COL14A1: variants seen among roughly 807,000 people sequenced by gnomAD.
COL14A1 encodes collagen type XIV alpha 1 chain, also known as collagen alpha-1(XIV) chain.
Under a neutral mutation model 230.3 loss-of-function variants are expected in COL14A1, and 136 were observed. That is an observed-to-expected ratio of 0.59 (90% confidence interval 0.51 to 0.68). COL14A1 has a LOEUF of 0.68. Among genes scored for constraint, COL14A1 ranks in the 30% least tolerant of loss-of-function variants. The pLI is 0.00. For missense variants in COL14A1, 1,976 were observed against 2,215.8 expected (o/e 0.89, Z 2.17); for synonymous variants, 792 against 784.1 (o/e 1.01, Z -0.17).
intron 45 of COL14A1, among the ~76,000 whole-genome samples, chr8:120,348,407 A>G (rs1045658817): frequency 1.2e-4 from 18 of 151,906 alleles, no homozygotes; most frequent in African/African-American, 3.9e-4. Context: ...GGAGACGAGC[A>G]TTCTAAGTGA....
At chr8:120,356,731 A>C (rs1823001938) in intron 45 of COL14A1, among the ~76,000 whole-genome samples, 1 of 152,078 alleles carries the variant, frequency 6.6e-6, no homozygotes, top group Non-Finnish European at 1.5e-5. Context: ...CTTTCTCAAA[A>C]AAAAAAAAAT....
At chr8:120,257,321 C>T (rs570843515) in intron 23 of COL14A1, among the ~76,000 whole-genome samples, 1 of 152,268 alleles carries the variant, frequency 6.6e-6, no homozygotes, top group South Asian at 2.1e-4. Flanking sequence ...ACATTTGTTG[C>T]TGAGAGATTA....
chr8:120,221,946 A>T (rs1042508904), intron 14 of COL14A1, among the ~76,000 whole-genome samples: 1 of 152,192 alleles, frequency 6.6e-6, no homozygotes, highest in African/African-American at 2.4e-5. Flanking sequence ...AGAAAGCAAT[A>T]TGTAACTAGA....
chr8:120,179,149 C>T (rs1454418672), intron 5 of COL14A1, among the ~76,000 whole-genome samples: 1 of 152,068 alleles, frequency 6.6e-6, no homozygotes, highest in East Asian at 1.9e-4. Flanking sequence ...AAGTCTTTGC[C>T]CATGCCTATG....
At chr8:120,360,019 A>T (rs370691614) in intron 45 of COL14A1, among the ~76,000 whole-genome samples, 37 of 152,272 alleles carry the variant, frequency 2.4e-4, no homozygotes, top group African/African-American at 8.9e-4. Context: ...TACTGTCTTG[A>T]CTGATAGAGA....
At chr8:120,185,368 G>T (rs1816618201) in intron 5 of COL14A1, among the ~76,000 whole-genome samples, 2 of 152,134 alleles carry the variant, frequency 1.3e-5, no homozygotes, top group South Asian at 4.2e-4. Context: ...ACCTGTTGTG[G>T]CTGGGTGCAG....
intron 1 of COL14A1, among the ~76,000 whole-genome samples, chr8:120,127,036 G>T (rs997803141): frequency 6.6e-6 from 1 of 152,074 alleles, no homozygotes; most frequent in Admixed American, 6.6e-5. Flanking sequence ...CACCATTTTA[G>T]AATATTTTAG....
intron 1 of COL14A1, among the ~76,000 whole-genome samples, chr8:120,125,839 A>C (rs1814316780): frequency 6.6e-6 from 1 of 152,082 alleles, no homozygotes; most frequent in African/African-American, 2.4e-5. Context: ...TAGGGGACGA[A>C]ACTCACCCAG....
chr8:120,160,844 T>C (rs975997406), intron 3 of COL14A1, among the ~76,000 whole-genome samples: 3 of 152,236 alleles, frequency 2.0e-5, no homozygotes, highest in Non-Finnish European at 4.4e-5. Context: ...AGTTTAATGG[T>C]CAAATAAATT....
chr8:120,191,722 G>T (rs938523722), intron 5 of COL14A1, among the ~76,000 whole-genome samples: 1 of 150,012 alleles, frequency 6.7e-6, no homozygotes, highest in African/African-American at 2.4e-5. Context: ...TATGAATCTG[G>T]GTGCTCCTGT....
intron 8 of COL14A1, among the ~76,000 whole-genome samples, chr8:120,202,312 A>G (rs1033651047): frequency 4.6e-5 from 7 of 152,230 alleles, no homozygotes; most frequent in Non-Finnish European, 1.0e-4. Flanking sequence ...GCAACCTCCT[A>G]AAGCAAATAG....
intron 5 of COL14A1, among the ~76,000 whole-genome samples, chr8:120,179,385 T>C (rs1816390734): frequency 6.6e-6 from 1 of 152,170 alleles, no homozygotes; most frequent in African/African-American, 2.4e-5. Flanking sequence ...AGCATTCCTA[T>C]ACACCAATAA....
At chr8:120,184,461 G>T (rs1159937430) in intron 5 of COL14A1, among the ~76,000 whole-genome samples, 2 of 151,886 alleles carry the variant, frequency 1.3e-5, no homozygotes, top group African/African-American at 4.8e-5. Context: ...CACCATAGTG[G>T]CCAGGCTGGT....
At chr8:120,347,974 G>A (rs1822581153) in intron 45 of COL14A1, among the ~76,000 whole-genome samples, 1 of 152,030 alleles carries the variant, frequency 6.6e-6, no homozygotes, top group African/African-American at 2.4e-5. Flanking sequence ...CTCACTTTCT[G>A]CTTAGGCTTC....
chr8:120,178,284 T>A (rs950402310), intron 5 of COL14A1, among the ~76,000 whole-genome samples: 2 of 152,144 alleles, frequency 1.3e-5, no homozygotes, highest in Non-Finnish European at 2.9e-5. Flanking sequence ...TGTCCATGTG[T>A]TCTCATTGTT....
chr8:120,207,784 T>C (rs2130750600), intron 10 of COL14A1, among the ~76,000 whole-genome samples: 1 of 152,150 alleles, frequency 6.6e-6, no homozygotes, highest in African/African-American at 2.4e-5. Flanking sequence ...TGGTAGGATT[T>C]ATGATATTTT....
At chr8:120,348,324 T>TATGAA (rs1822607204) in intron 45 of COL14A1, among the ~76,000 whole-genome samples, 1 of 148,632 alleles carries the variant, frequency 6.7e-6, no homozygotes, top group African/African-American at 2.5e-5. Flanking sequence ...TATATATATA[T>TATGAA]GTATATGATT....
intron 19 of COL14A1, among the ~76,000 whole-genome samples, chr8:120,241,949 A>C (rs965770754): frequency 3.3e-5 from 5 of 152,222 alleles, no homozygotes; most frequent in Admixed American, 6.5e-5. Flanking sequence ...AAATGCTCCA[A>C]AATCCAAAAC....
At chr8:120,357,773 G>T (rs528555543) in intron 45 of COL14A1, among the ~76,000 whole-genome samples, 1 of 152,254 alleles carries the variant, frequency 6.6e-6, no homozygotes, top group South Asian at 2.1e-4. Flanking sequence ...CACCACTTAT[G>T]TTTGTTTTTC....
Sources: allele counts gnomAD v4.1 joint callset (sites outside exome capture counted in the v4.1 genomes callset), GRCh38; gene constraint gnomAD v4.1.1; transcripts MANE v1.5; gene names NCBI Gene and HGNC (gene_info 2026-07-23, HGNC 2026-07-21).